CRMP1: variants seen among roughly 807,000 people sequenced by gnomAD.
CRMP1 encodes dihydropyrimidinase-related protein 1.
Under a neutral mutation model 68.3 loss-of-function variants are expected in CRMP1, and 19 were observed. The ratio of observed to expected loss-of-function variants is 0.28; its 90% CI spans 0.19 to 0.41. The LOEUF is 0.41. Among genes scored for constraint, CRMP1 ranks in the 10% least tolerant of loss-of-function variants. CRMP1 has a pLI of 1.00. For missense variants in CRMP1, 791 were observed against 967.4 expected, an observed-to-expected ratio of 0.82 and a Z score of 2.42; for synonymous variants, 439 against 399.6, an observed-to-expected ratio of 1.10 and a Z score of -1.18.
chr4:5,874,644 G>A (rs1714685566), intron 1 of CRMP1, among the ~76,000 whole-genome samples: 1 of 152,076 alleles, frequency 6.6e-6, no homozygotes, highest in Non-Finnish European at 1.5e-5. Flanking sequence ...AAGAGGCAAG[G>A]AGAGACAGAG....
At chr4:5,823,928 T>C (rs1013101838) in intron 13 of CRMP1, among the ~76,000 whole-genome samples, 4 of 152,348 alleles carry the variant, frequency 2.6e-5, no homozygotes, top group East Asian at 1.9e-4. Flanking sequence ...GAGGTTGTTA[T>C]GATGTTGGAA....
rs574255659 is a variant in CRMP1, at chr4:5,842,376, C to A, written c.1032+717G>T. On this transcript the variant is annotated intron_variant, in intron 7 of 13. Transcript: ENST00000324989. This position sits in a 1 kb window ranked among gnomAD's most constrained non-coding sequence, Gnocchi z 4.5. The stretch of plus-strand genomic sequence containing the variant: ...CCCAGGAAGCGGAGGCTGCAGTGAA[C>A]CGAGATCATACCACTGCACTGTAGC... 6.7e-6 allele frequency among the ~76,000 whole-genome samples: 1 copy of A among 149,914 alleles called. No individual in the cohort carries two copies. Among genetic ancestry groups the A allele is most frequent in the East Asian group, 2.0e-4 (1 of 5,084 alleles).
In CRMP1 at chr4:5,848,039, G is replaced by A. The variant is rs150636477; in HGVS notation, c.963+1353C>T. ...TCCACCCAATCCGTCCATGGGTCCT[G>A]TAGATTGTGTTTCCCTCCTGTCATG... On this transcript the variant is annotated intron_variant, in intron 6 of 13. Coordinates refer to ENST00000324989, the MANE Select transcript of CRMP1 (RefSeq NM_001014809.3). Among the ~76,000 whole-genome samples, 719 of 152,136 alleles carry A rather than the reference G, an allele frequency of 4.7e-3. 10 individuals carry two copies. The highest frequency in any genetic ancestry group is 0.037 in the South Asian group (180 of 4,812).
Position 5,859,386 on chromosome 4 carries a change from C to T in CRMP1, c.655+1640G>A, listed in dbSNP as rs1410611466. 6.6e-6 allele frequency among the ~76,000 whole-genome samples: 1 copy of T among 152,180 alleles called. No individual in the cohort carries two copies. Among genetic ancestry groups the T allele is most frequent in the African/African-American group, 2.4e-5 (1 of 41,440 alleles). ...GCTGGTAATGGAGAAAAGCAGGGGA[C>T]ATCCCAGGAACCCTGGCTCCTCATC... On this transcript the variant is annotated intron_variant, in intron 3 of 13. Transcript: ENST00000324989. This position sits in a 1 kb window ranked among gnomAD's most constrained non-coding sequence, Gnocchi z 5.2.
At chr4:5,830,135 A>G (rs913612224) in intron 11 of CRMP1, among the ~76,000 whole-genome samples, 5 of 152,186 alleles carry the variant, frequency 3.3e-5, no homozygotes, top group Non-Finnish European at 5.9e-5. Context: ...TGCCATTTCT[A>G]TATTTATTTC....
intron 12 of CRMP1, chr4:5,826,097 C>T: frequency 4.3e-6 from 1 of 234,910 alleles, no homozygotes; most frequent in South Asian, 5.2e-5. Flanking sequence ...CACACTCATA[C>T]AGGTATACAC....
intron 8 of CRMP1, 49 bp from the exon 9 acceptor site, chr4:5,839,727 G>A (rs780050487): frequency 3.2e-6 from 5 of 1,552,384 alleles, no homozygotes; most frequent in Non-Finnish European, 4.4e-6. Context: ...ACTCTCTTGA[G>A]GCAGATGTCA....
Position 5,865,029 on chromosome 4 carries a change from C to T in CRMP1, c.470+1639G>A, listed in dbSNP as rs188446764. 1.8e-3 allele frequency among the ~76,000 whole-genome samples: 276 copies of T among 152,034 alleles called. No individual in the cohort carries two copies. Among genetic ancestry groups the T allele is most frequent in the Middle Eastern group, 6.8e-3 (2 of 294 alleles). On this transcript the variant is annotated intron_variant, in intron 2 of 13. Coordinates refer to ENST00000324989, the MANE Select transcript of CRMP1 (RefSeq NM_001014809.3). The surrounding 1 kb of genome is among the most constrained non-coding windows in gnomAD (Gnocchi z 4.1). ...ACTGGGTGATTTGCATATGTGGTCC[C>T]TTTCAATGCCCCCAATACTCCACAG... is the stretch of plus-strand genomic sequence containing the variant.
rs1198872212 is a variant in CRMP1, at chr4:5,835,955, G to A, written c.1583C>T (p.Pro528Leu). ...GSDADVVIWD[P>L]DKLKTITAKS... ...GGCTGTTATGGTCTTCAACTTGTCG[G>A]GGTCCCAGATGACCACGTCGGCATC... Residue 528 changes from proline (P) to leucine (L), a missense_variant, in exon 11 of 14, where the codon CCC becomes CTC. Around this residue, in one of 3 missense-constraint regions of CRMP1, gnomAD observed 594 missense variants for 763.6 expected, o/e 0.78. Transcript: ENST00000324989. 1 of 1,585,450 alleles carries A rather than the reference G, an allele frequency of 6.3e-7. No individual in the cohort carries two copies.
At chr4:5,845,501 C>A (rs948112482) in intron 6 of CRMP1, among the ~76,000 whole-genome samples, 3 of 152,204 alleles carry the variant, frequency 2.0e-5, no homozygotes, top group African/African-American at 7.2e-5. Context: ...AATACACCAC[C>A]TACGAGAGGC....
rs2152457675 is a variant in CRMP1 at position 5,834,763 on chromosome 4, C to T, written c.1623+1152G>A. On this transcript the variant is annotated intron_variant, in intron 11 of 13. Coordinates refer to ENST00000324989, the MANE Select transcript of CRMP1 (RefSeq NM_001014809.3). The surrounding 1 kb of genome is among the most constrained non-coding windows in gnomAD (Gnocchi z 4.3). ...GGACTGTACATGTGCGTGGCATAAA[C>T]CTTTCTCCATGGGAAGATGATCTCA... Among the ~76,000 whole-genome samples, 1 of 152,294 alleles carries T rather than the reference C, an allele frequency of 6.6e-6. No individual in the cohort carries two copies. Among genetic ancestry groups the T allele is most frequent in the Non-Finnish European group, 1.5e-5 (1 of 68,034 alleles).
rs984179550 is a variant in CRMP1 at position 5,854,850 on chromosome 4, T to C, written c.820+1293A>G. ...CAATTTGGCAATAAGTGTCATAATC[T>C]TGAAAAATGTTAAAACCTCTGACCT... is the stretch of plus-strand genomic sequence containing the variant. On this transcript the variant is annotated intron_variant, in intron 4 of 13. Transcript: ENST00000324989. This position sits in a 1 kb window ranked among gnomAD's most constrained non-coding sequence, Gnocchi z 4.0. Among the ~76,000 whole-genome samples, 7 of 152,164 alleles carry C rather than the reference T, an allele frequency of 4.6e-5. No individual in the cohort carries two copies. The highest frequency in any genetic ancestry group is 3.3e-4 in the Admixed American group (5 of 15,278).
In CRMP1 at chr4:5,855,307, A is replaced by G. The variant is rs1402817705; in HGVS notation, c.820+836T>C. ...TATTACGAGAAAACATAGCACAGCT[A>G]TTTTAAAAATTGGAAACACACCCTC... On this transcript the variant is annotated intron_variant, in intron 4 of 13. Transcript: ENST00000324989. This position sits in a 1 kb window ranked among gnomAD's most constrained non-coding sequence, Gnocchi z 4.9. Among the ~76,000 whole-genome samples the G allele has an allele frequency of 6.6e-6, 1 of 152,202 alleles. No homozygotes were observed. The highest frequency in any genetic ancestry group is 1.5e-5 in the Non-Finnish European group (1 of 68,038).
At chr4:5,851,772 GAGGAGAAAGAGGACA>G (rs1311002317) in intron 4 of CRMP1, among the ~76,000 whole-genome samples, 3 of 136,250 alleles carry the variant, frequency 2.2e-5, no homozygotes, top group South Asian at 4.7e-4. Flanking sequence ...GGATGAAGAG[GAGGAGAAAGAGGACA>G]AGGAGGAAGA....
rs190199460 is a variant in CRMP1, at chr4:5,840,414, T to A, written c.1154-736A>T. On this transcript the variant is annotated intron_variant, in intron 8 of 13. Transcript: ENST00000324989. Reference sequence around the variant, plus strand: ...TGCATTAGAGACCAAGGGCAAGAGATGTGGCCCGAGACCCCCTGCTGCCCT... The same window carrying A: ...TGCATTAGAGACCAAGGGCAAGAGAAGTGGCCCGAGACCCCCTGCTGCCCT... 1.4e-4 allele frequency among the ~76,000 whole-genome samples: 22 copies of A among 152,300 alleles called. No individual in the cohort carries two copies. The East Asian group carries it at 3.5e-3, about 24-fold the overall frequency.
At chr4:5,887,297 TG>T in intron 1 of CRMP1, 1 of 945,366 alleles carries the variant, frequency 1.1e-6, no homozygotes, top group Non-Finnish European at 1.3e-6. Flanking sequence ...ATGAGCAGGC[TG>T]GGTCTCCAGT....
intron 13 of CRMP1, chr4:5,824,792 A>C (rs894942826): frequency 1.0e-6 from 1 of 962,628 alleles, no homozygotes; most frequent in Non-Finnish European, 1.2e-6. Flanking sequence ...AACGCCTCAA[A>C]GAGTTTGCAG....
chr4:5,845,793 C>T (rs1306396424), intron 6 of CRMP1, among the ~76,000 whole-genome samples: 1 of 152,130 alleles, frequency 6.6e-6, no homozygotes, highest in Non-Finnish European at 1.5e-5. Flanking sequence ...AAATGAATTC[C>T]CAAACAGCAA....
Position 5,843,494 on chromosome 4 carries a change from C to T in CRMP1, c.964-333G>A, listed in dbSNP as rs1388909460. ...TCTCGGAGTCTCCCTGCAGGCCTCT[C>T]CTCTGGGAAGAAACGTGGTGTTTGG... On this transcript the variant is annotated intron_variant, in intron 6 of 13. Transcript: ENST00000324989. The surrounding 1 kb of genome is among the most constrained non-coding windows in gnomAD (Gnocchi z 4.1). Among the ~76,000 whole-genome samples the T allele has an allele frequency of 6.6e-6, 1 of 152,136 alleles. No homozygotes were observed. Among genetic ancestry groups the T allele is most frequent in the African/African-American group, 2.4e-5 (1 of 41,424 alleles).
Sources: gnomAD v4.1 joint callset for allele counts (sites outside exome capture counted in the v4.1 genomes callset) on GRCh38, gnomAD v4.1.1 for gene constraint, gnomAD v4.1.1 regional missense constraint, Gnocchi (gnomAD v3.1) non-coding constraint, MANE v1.5 for transcripts, NCBI Gene and HGNC (gene_info 2026-07-23, HGNC 2026-07-21) for gene names.